Variants in FRMD4A observed in about 807,000 individuals in gnomAD.
FRMD4A encodes the protein FERM domain-containing protein 4A.
Under a neutral mutation model 129.1 loss-of-function variants are expected in FRMD4A, and 29 were observed. The observed-to-expected ratio is 0.22, with a 90% CI of 0.17 to 0.31. The LOEUF (loss-of-function observed/expected upper bound fraction) is 0.31, where lower values mean the gene tolerates loss of function less well. Among genes scored for constraint, FRMD4A ranks in the 10% least tolerant of loss-of-function variants. FRMD4A has a pLI of 1.00. For missense variants in FRMD4A, 1,272 were observed against 1,375.8 expected (o/e 0.92, Z 1.19); for synonymous variants, 634 against 571.6 (o/e 1.11, Z -1.56).
chr10:13,824,029 A>G (rs890198947), intron 3 of FRMD4A, among the ~76,000 whole-genome samples: 1 of 152,174 alleles, frequency 6.6e-6, no homozygotes, highest in Non-Finnish European at 1.5e-5. Context: ...TTTTAGCAGG[A>G]TGGTGGTGAG....
At chr10:13,965,307 G>A (rs572601372) in intron 2 of FRMD4A, among the ~76,000 whole-genome samples, 1 of 152,254 alleles carries the variant, frequency 6.6e-6, no homozygotes, top group East Asian at 1.9e-4. Context: ...GCACCAGGCT[G>A]TGAAGGTATG....
chr10:13,694,304 G>A (rs1026606183), intron 14 of FRMD4A, among the ~76,000 whole-genome samples: 3 of 152,218 alleles, frequency 2.0e-5, no homozygotes, highest in Admixed American at 6.5e-5. Flanking sequence ...TTGTGCTTAA[G>A]AGAATGTCCT....
chr10:13,683,659 C>T (rs2084820752), intron 15 of FRMD4A, among the ~76,000 whole-genome samples: 2 of 151,232 alleles, frequency 1.3e-5, no homozygotes, highest in African/African-American at 4.9e-5. Context: ...AGGTGGAACC[C>T]ACAGCCGGGA....
intron 12 of FRMD4A, among the ~76,000 whole-genome samples, chr10:13,726,431 G>C (rs1485207645): frequency 2.6e-5 from 4 of 152,190 alleles, no homozygotes. Context: ...CTTTAACTCA[G>C]ACTAAAATGT....
chr10:14,194,904 A>T (rs1842430665), intron 2 of FRMD4A, among the ~76,000 whole-genome samples: 1 of 152,172 alleles, frequency 6.6e-6, no homozygotes, highest in South Asian at 2.1e-4. Context: ...TTTGAAAAAT[A>T]GCTTAGCTGA....
At chr10:13,959,396 C>T (rs192551112) in intron 2 of FRMD4A, among the ~76,000 whole-genome samples, 3 of 146,152 alleles carry the variant, frequency 2.1e-5, no homozygotes, top group East Asian at 2.1e-4. Flanking sequence ...TGTTTGAACC[C>T]GGGAGGCAGA....
rs1400824488 is a variant in FRMD4A at position 14,127,982 on chromosome 10, C to CTTTCTTTCTT, written c.45+202075_45+202076insAAGAAAGAAA. Reference sequence around the variant, plus strand: ...TCTTTCTTTCTTTCTTTCTTTCCTTCTCTCTCTCTCTCTCTCTCTTTCTTT... The same window carrying CTTTCTTTCTT: ...TCTTTCTTTCTTTCTTTCTTTCCTTCTTTCTTTCTTTCTCTCTCTCTCTCTCTCTTTCTTT... On this transcript the variant is annotated intron_variant, in intron 2 of 24. Transcript: ENST00000357447. Among the ~76,000 whole-genome samples the CTTTCTTTCTT allele has an allele frequency of 7.4e-5, 6 of 81,204 alleles. 1 individual carries two copies. In the East Asian group the frequency reaches 8.8e-4, roughly 12 times the overall value. The allele number at this position is 81,204 out of a possible 152,430, so 53.3% of individuals were successfully genotyped here.
intron 2 of FRMD4A, among the ~76,000 whole-genome samples, chr10:14,303,288 A>C (rs943380577): frequency 1.3e-5 from 2 of 152,162 alleles, no homozygotes; most frequent in African/African-American, 4.8e-5. Context: ...GCACAGAATC[A>C]CCAGGGGTCC....
At chr10:13,933,622 G>A (rs1049486487) in intron 2 of FRMD4A, among the ~76,000 whole-genome samples, 3 of 152,104 alleles carry the variant, frequency 2.0e-5, no homozygotes, top group Non-Finnish European at 4.4e-5. Context: ...TGTGAACAGG[G>A]GAACAAGATG....
chr10:14,168,560 C>T (rs777818331), intron 2 of FRMD4A, among the ~76,000 whole-genome samples: 7 of 152,168 alleles, frequency 4.6e-5, no homozygotes, highest in Admixed American at 6.5e-5. Context: ...AAGCATCACC[C>T]AGAAGATAGG....
intron 5 of FRMD4A, among the ~76,000 whole-genome samples, chr10:13,791,844 G>T (rs1477795584): frequency 1.3e-5 from 2 of 152,216 alleles, no homozygotes; most frequent in Non-Finnish European, 2.9e-5. Flanking sequence ...GTGATGACCA[G>T]GTGCAAGTGG....
At chr10:14,095,582 T>C (rs555531212) in intron 2 of FRMD4A, among the ~76,000 whole-genome samples, 4 of 152,344 alleles carry the variant, frequency 2.6e-5, no homozygotes, top group African/African-American at 7.2e-5. Context: ...CTAAACGCAC[T>C]CTCAACCTTA....
At chr10:13,674,725 A>G (rs2083825264) in intron 16 of FRMD4A, among the ~76,000 whole-genome samples, 186 bp downstream of exon 16, 1 of 152,212 alleles carries the variant, frequency 6.6e-6, no homozygotes, top group African/African-American at 2.4e-5. Context: ...GGATGTTTCC[A>G]ACATTTGTGT....
At chr10:14,160,424 A>T (rs1840824709) in intron 2 of FRMD4A, among the ~76,000 whole-genome samples, 1 of 152,176 alleles carries the variant, frequency 6.6e-6, no homozygotes, top group Non-Finnish European at 1.5e-5. Context: ...GCAACAACAC[A>T]AAAATAGACA....
chr10:14,058,830 G>C (rs147638198), intron 2 of FRMD4A, among the ~76,000 whole-genome samples: 1 of 152,118 alleles, frequency 6.6e-6, no homozygotes, highest in Non-Finnish European at 1.5e-5. Context: ...CTGCTAAATC[G>C]TAGCTCCAAA....
At chr10:14,146,329 T>C (rs994443083) in intron 2 of FRMD4A, among the ~76,000 whole-genome samples, 2 of 152,228 alleles carry the variant, frequency 1.3e-5, no homozygotes, top group Non-Finnish European at 2.9e-5. Context: ...ATAGCCAGGA[T>C]GTCCTTTTTC....
At chr10:13,856,013 A>ACTAT (rs67479789) in intron 3 of FRMD4A, among the ~76,000 whole-genome samples, 10,565 of 147,882 alleles carry the variant, frequency 0.071, 376 homozygotes, top group East Asian at 0.083. Context: ...ACACACAAAT[A>ACTAT]CTATCTATCT....
At chr10:13,946,810 G>A (rs1321692777) in intron 2 of FRMD4A, among the ~76,000 whole-genome samples, 7 of 152,172 alleles carry the variant, frequency 4.6e-5, no homozygotes, top group African/African-American at 1.2e-4. Context: ...CTGTCTCCAT[G>A]TGTCTATCTC....
chr10:14,091,267 A>G (rs1836644724), intron 2 of FRMD4A, among the ~76,000 whole-genome samples: 1 of 152,138 alleles, frequency 6.6e-6, no homozygotes, highest in Admixed American at 6.5e-5. Flanking sequence ...CAGTAAAGGT[A>G]TCTCTCACAT....
Sources: allele counts gnomAD v4.1 joint callset (sites outside exome capture counted in the v4.1 genomes callset), GRCh38; gene constraint gnomAD v4.1.1; transcripts MANE v1.5; gene names NCBI Gene and HGNC (gene_info 2026-07-23, HGNC 2026-07-21).